The following TFDP1 variants were observed in gnomAD, a reference collection of about 807,000 sequenced individuals.
TFDP1 encodes transcription factor Dp-1.
In TFDP1, 6 loss-of-function variants were observed where a neutral mutation model predicts 48.0. The ratio of observed to expected loss-of-function variants is 0.13; its 90% CI spans 0.07 to 0.25. The LOEUF (loss-of-function observed/expected upper bound fraction) is 0.25, where lower values mean the gene tolerates loss of function less well. TFDP1 is among the 10% of genes least tolerant of loss of function. The pLI is 1.00. For synonymous variants in TFDP1, 201 were observed against 211.6 expected, an observed-to-expected ratio of 0.95 and a Z score of 0.44; for missense variants, 335 against 543.0, an observed-to-expected ratio of 0.62 and a Z score of 3.81.
intron 2 of TFDP1, among the ~76,000 whole-genome samples, chr13:113,590,511 C>T (rs972357438): frequency 3.9e-5 from 6 of 152,132 alleles, no homozygotes; most frequent in African/African-American, 1.2e-4. Flanking sequence ...CAGGATTCAG[C>T]GACTCAGGCC....
At chr13:113,626,932 G>A (rs1360758601) in intron 4 of TFDP1, among the ~76,000 whole-genome samples, 4 of 152,152 alleles carry the variant, frequency 2.6e-5, no homozygotes, top group Admixed American at 2.0e-4. Context: ...ACACTGGGGG[G>A]AAACGAATGA....
intron 3 of TFDP1, among the ~76,000 whole-genome samples, chr13:113,617,301 G>A (rs1015549780): frequency 1.3e-5 from 2 of 152,220 alleles, no homozygotes; most frequent in African/African-American, 4.8e-5. Flanking sequence ...TGGAGCGGGT[G>A]CCTGGCTGTG....
At chr13:113,628,630 A>G (rs1322868414) in intron 4 of TFDP1, among the ~76,000 whole-genome samples, 2 of 152,180 alleles carry the variant, frequency 1.3e-5, no homozygotes, top group Non-Finnish European at 2.9e-5. Flanking sequence ...AGTACCCCTC[A>G]TTGTGCTGTG....
At chr13:113,589,867 C>A (rs1305188556) in intron 2 of TFDP1, among the ~76,000 whole-genome samples, 1 of 152,212 alleles carries the variant, frequency 6.6e-6, no homozygotes, top group African/African-American at 2.4e-5. Flanking sequence ...GGCAGCATGA[C>A]CCTTGGTGGG....
intron 3 of TFDP1, among the ~76,000 whole-genome samples, chr13:113,612,564 C>T (rs886648904): frequency 1.3e-5 from 2 of 152,226 alleles, no homozygotes; most frequent in East Asian, 3.8e-4. Flanking sequence ...GTGACATTTT[C>T]TGTTCAAGTG....
At chr13:113,625,689 C>T (rs1231658592) in intron 4 of TFDP1, among the ~76,000 whole-genome samples, 1 of 126,388 alleles carries the variant, frequency 7.9e-6, no homozygotes, top group African/African-American at 3.4e-5. Context: ...CTCACGTGTC[C>T]TCAGGTGTCT....
chr13:113,587,867 T>C (rs1421506651), intron 2 of TFDP1, among the ~76,000 whole-genome samples: 2 of 152,218 alleles, frequency 1.3e-5, no homozygotes, highest in African/African-American at 4.8e-5. Flanking sequence ...TGTTTTGTTT[T>C]TGTTTTTTGA....
rs140773039 is a variant in TFDP1 at position 113,634,169 on chromosome 13, G to A, written c.618+136G>A. 2.2e-4 allele frequency: 267 copies of A among 1,228,306 alleles called. 1 individual carries two copies. The East Asian group carries it at 4.6e-3, about 21-fold the overall frequency. 76.1% of individuals were successfully genotyped at this position (1,228,306 alleles called of 1,614,324 possible). A position where few individuals can be genotyped will look rare whatever the true frequency, so the allele number is the denominator to read the frequency against. On this transcript the variant is annotated intron_variant, in intron 7 of 11. Transcript: ENST00000375370. ...CCGGCTGGCAGACGGTCATGCAGAC[G>A]TCTCCCTGCGTTTCTCAGTCTTGGC...
At chr13:113,621,109 C>T (rs2048984116) in intron 3 of TFDP1, among the ~76,000 whole-genome samples, 1 of 152,228 alleles carries the variant, frequency 6.6e-6, no homozygotes, top group South Asian at 2.1e-4. Context: ...GCAATGTATT[C>T]GAAAGTCTCA....
chr13:113,606,804 A>G (rs2048581936), intron 2 of TFDP1, among the ~76,000 whole-genome samples: 1 of 152,140 alleles, frequency 6.6e-6, no homozygotes, highest in African/African-American at 2.4e-5. Context: ...GTATTATGAA[A>G]TATTTTCAGT....
intron 3 of TFDP1, among the ~76,000 whole-genome samples, chr13:113,614,951 G>A (rs1020237112): frequency 6.6e-6 from 1 of 152,196 alleles, no homozygotes; most frequent in African/African-American, 2.4e-5. Context: ...GCTCCTCTTT[G>A]AGGAGCTCCG....
chr13:113,601,193 GC>G (rs1453833386), intron 2 of TFDP1, among the ~76,000 whole-genome samples: 1 of 152,170 alleles, frequency 6.6e-6, no homozygotes, highest in Non-Finnish European at 1.5e-5. Context: ...AGCGTCTCCT[GC>G]CTGGACTTAG....
Position 113,636,703 on chromosome 13 carries a change from C to G in TFDP1, c.1006+3C>G. 4 of 1,611,942 alleles carry G rather than the reference C, an allele frequency of 2.5e-6. No individual in the cohort carries two copies. Among genetic ancestry groups the G allele is most frequent in the Non-Finnish European group, 3.4e-6 (4 of 1,178,464 alleles). The stretch of plus-strand genomic sequence containing the variant: ...GGCTCTGGAGCCATACGTGACAGGT[C>G]AGCAATGCCCAGACAACCTGGCGTG... On this transcript the variant is annotated splice_donor_region_variant and intron_variant, in intron 10 of 11. Transcript: ENST00000375370.
At position 113,585,693 on chromosome 13, in the gene TFDP1, G is replaced by A. The variant is rs151236886; in HGVS notation, c.-64-81G>A. On this transcript the variant is annotated intron_variant, in intron 1 of 11. Transcript: ENST00000375370. ...GGGAAGGAAGGTCCGCGTTTCCTTT[G>A]AGATGTGTTATTTTTTAAACTTCGT... is the stretch of plus-strand genomic sequence containing the variant. 54 of 840,818 alleles carry A rather than the reference G, an allele frequency of 6.4e-5. No individual in the cohort carries two copies. The Middle Eastern group carries it at 1.4e-3, about 21-fold the overall frequency. The allele number at this position is 840,818 out of a possible 1,614,324, so 52.1% of individuals were successfully genotyped here.
At chr13:113,597,409 T>C (rs1594419385) in intron 2 of TFDP1, among the ~76,000 whole-genome samples, 1 of 152,188 alleles carries the variant, frequency 6.6e-6, no homozygotes, top group African/African-American at 2.4e-5. Context: ...TCTGGCAGCG[T>C]GTGCTGCATT....
intron 2 of TFDP1, among the ~76,000 whole-genome samples, chr13:113,599,682 GAGGCCCA>G (rs1302094878): frequency 6.6e-6 from 1 of 152,332 alleles, no homozygotes; most frequent in South Asian, 2.1e-4. Context: ...CCCACCTTGC[GAGGCCCA>G]AGGAGGAGGT....
chr13:113,636,449 G>A (rs1164078899), intron 9 of TFDP1, 85 bp from the exon 10 acceptor site: 1 of 1,469,218 alleles, frequency 6.8e-7, no homozygotes, highest in Non-Finnish European at 9.3e-7. Flanking sequence ...GTGGCGGTCA[G>A]CGGGTCAGCC....
chr13:113,614,054 GTGT>G (rs1380108963), intron 3 of TFDP1, among the ~76,000 whole-genome samples: 1 of 151,648 alleles, frequency 6.6e-6, no homozygotes, highest in Admixed American at 6.6e-5. Context: ...TGTGAGATGT[GTGT>G]TGTGTGCATG....
At position 113,636,139 on chromosome 13, in the gene TFDP1, G is replaced by T. The variant is rs1429269819; in HGVS notation, c.839+11G>T. ...CATCTCCAATGACAAGTAGGTTGTG[G>T]GCGGGGAGCTGTTCCCTGGTCACCC... On this transcript the variant is annotated intron_variant, in intron 9 of 11. Transcript: ENST00000375370. The T allele has an allele frequency of 6.2e-7, 1 of 1,613,772 alleles. No homozygotes were observed. The highest frequency in any genetic ancestry group is 1.7e-5 in the Admixed American group (1 of 59,948).
Sources: gnomAD v4.1 joint callset for allele counts (sites outside exome capture counted in the v4.1 genomes callset) on GRCh38, gnomAD v4.1.1 for gene constraint, MANE v1.5 for transcripts, NCBI Gene and HGNC (gene_info 2026-07-23, HGNC 2026-07-21) for gene names.